The following ATRNL1 variants were observed in gnomAD, a reference collection of about 807,000 sequenced individuals.
The protein encoded by ATRNL1 is attractin like 1.
ATRNL1 carries 95 observed loss-of-function variants against 182.7 expected under a neutral mutation model. The ratio of observed to expected loss-of-function variants is 0.52; its 90% CI spans 0.44 to 0.62. ATRNL1 has a LOEUF of 0.62. Among genes scored for constraint, ATRNL1 ranks in the 20% least tolerant of loss-of-function variants. The pLI is 0.00. For synonymous variants in ATRNL1, 576 were observed against 568.3 expected (o/e 1.01, Z -0.19); for missense variants, 1,471 against 1,679.5 (o/e 0.88, Z 2.17).
At chr10:115,912,416 T>G (rs79516967) in intron 28 of ATRNL1, among the ~76,000 whole-genome samples, 4 of 148,092 alleles carry the variant, frequency 2.7e-5, no homozygotes, top group African/African-American at 7.5e-5. Context: ...ATATATATAT[T>G]TGTGTGTGTG....
intron 26 of ATRNL1, among the ~76,000 whole-genome samples, chr10:115,550,962 A>G (rs1448671587): frequency 6.6e-6 from 1 of 151,776 alleles, no homozygotes; most frequent in Non-Finnish European, 1.5e-5. Context: ...TATAAAATGC[A>G]TCTATGTAAA....
At chr10:115,136,606 C>G (rs1455520783) in intron 5 of ATRNL1, among the ~76,000 whole-genome samples, 2 of 152,180 alleles carry the variant, frequency 1.3e-5, no homozygotes, top group East Asian at 3.8e-4. Flanking sequence ...TCATTCTTTC[C>G]TCTCCCTACC....
chr10:115,593,204 C>T lies in ATRNL1; in HGVS notation c.3795+43668C>T, dbSNP rs183738851. On this transcript the variant is annotated intron_variant, in intron 26 of 28. Coordinates refer to ENST00000355044, the MANE Select transcript of ATRNL1 (RefSeq NM_207303.4). ...AAGCCCATTCTCATGGCAACTAGCCCACTCCCTTGATATGAACATCAATCC... is the reference window on the plus strand; with the variant it reads ...AAGCCCATTCTCATGGCAACTAGCCTACTCCCTTGATATGAACATCAATCC... Among the ~76,000 whole-genome samples the T allele has an allele frequency of 1.6e-3, 248 of 152,238 alleles. 1 individual carries two copies. The highest frequency in any genetic ancestry group is 5.7e-3 in the African/African-American group (236 of 41,554).
intron 28 of ATRNL1, among the ~76,000 whole-genome samples, chr10:115,896,879 G>A (rs540882414): frequency 7.2e-5 from 11 of 152,040 alleles, no homozygotes; most frequent in Non-Finnish European, 1.5e-4. Context: ...ACATAAGATC[G>A]AAATATGAGT....
intron 24 of ATRNL1, among the ~76,000 whole-genome samples, chr10:115,509,065 C>T (rs922941293): frequency 2.6e-5 from 4 of 151,966 alleles, no homozygotes; most frequent in Non-Finnish European, 5.9e-5. Context: ...GAAAATCCTA[C>T]GGTCCTTAAG....
At chr10:115,725,365 T>G (rs1947563104) in intron 26 of ATRNL1, among the ~76,000 whole-genome samples, 1 of 152,132 alleles carries the variant, frequency 6.6e-6, no homozygotes, top group African/African-American at 2.4e-5. Context: ...CGATTGTGAG[T>G]TTGGAATATT....
intron 26 of ATRNL1, among the ~76,000 whole-genome samples, chr10:115,565,217 ATGAC>A (rs1565170591): frequency 6.6e-6 from 1 of 152,070 alleles, no homozygotes; most frequent in Non-Finnish European, 1.5e-5. Context: ...TATAAGGAAA[ATGAC>A]TGAGAATTTC....
At chr10:115,479,200 A>G (rs1181863210) in intron 24 of ATRNL1, among the ~76,000 whole-genome samples, 2 of 151,648 alleles carry the variant, frequency 1.3e-5, no homozygotes, top group Non-Finnish European at 3.0e-5. Context: ...CAAATTTTTG[A>G]TAACTAATTA....
At chr10:115,222,444 G>A (rs78941810) in intron 9 of ATRNL1, among the ~76,000 whole-genome samples, 5,248 of 152,120 alleles carry the variant, frequency 0.034, 292 homozygotes, top group African/African-American at 0.12. Context: ...AAGACATCAA[G>A]CCACAGATTA....
chr10:115,377,360 C>T (rs1485829475), intron 19 of ATRNL1, among the ~76,000 whole-genome samples: 1 of 152,118 alleles, frequency 6.6e-6, no homozygotes, highest in African/African-American at 2.4e-5. Context: ...CATTCACCTT[C>T]CACCATGATA....
At chr10:115,534,219 T>A (rs1851802890) in intron 25 of ATRNL1, among the ~76,000 whole-genome samples, 1 of 151,034 alleles carries the variant, frequency 6.6e-6, no homozygotes. Flanking sequence ...AAGTCTCCCA[T>A]TATTATTGTG....
At chr10:115,916,466 C>G (rs1555117267) in intron 28 of ATRNL1, among the ~76,000 whole-genome samples, 3 of 152,164 alleles carry the variant, frequency 2.0e-5, no homozygotes. Flanking sequence ...AGCAAAATGG[C>G]TGTAAATACA....
chr10:115,136,151 C>A (rs1466228298), intron 5 of ATRNL1, among the ~76,000 whole-genome samples: 4 of 152,048 alleles, frequency 2.6e-5, no homozygotes, highest in South Asian at 4.2e-4. Context: ...CGAGGGCACA[C>A]AAGTTTGTTG....
chr10:115,172,263 C>G (rs1224948017), intron 8 of ATRNL1, among the ~76,000 whole-genome samples: 1 of 151,928 alleles, frequency 6.6e-6, no homozygotes, highest in Non-Finnish European at 1.5e-5. Flanking sequence ...CATTTCCACT[C>G]TATTCTCAAT....
At chr10:115,749,456 ATATT>A (rs1948385708) in intron 27 of ATRNL1, among the ~76,000 whole-genome samples, 1 of 151,878 alleles carries the variant, frequency 6.6e-6, no homozygotes, top group East Asian at 1.9e-4. Context: ...TTTTCATTAT[ATATT>A]AGTAAAAAAA....
intron 28 of ATRNL1, among the ~76,000 whole-genome samples, chr10:115,885,377 G>A (rs782566801): frequency 6.6e-6 from 1 of 152,210 alleles, no homozygotes; most frequent in Non-Finnish European, 1.5e-5. Context: ...CCAGGGATGA[G>A]CGGCGCCAAG....
chr10:115,208,834 C>T (rs1848905615), intron 8 of ATRNL1, among the ~76,000 whole-genome samples: 1 of 151,626 alleles, frequency 6.6e-6, no homozygotes, highest in Admixed American at 6.6e-5. Flanking sequence ...TGATTTCTTT[C>T]TTTTTTTTAT....
rs1850795049 is a variant in ATRNL1, at chr10:115,519,267, C to T, written c.3659C>T (p.Ala1220Val). Residue 1220 changes from alanine to valine, a missense_variant, in exon 25 of 29, where the codon GCA (alanine) becomes GTA (valine). Around this residue, in one of 3 missense-constraint regions of ATRNL1, gnomAD observed 437 missense variants for 506.0 expected, o/e 0.86. Coordinates refer to ENST00000355044, the MANE Select transcript of ATRNL1 (RefSeq NM_207303.4). ...TTTTTTATTTTGATTTTTCAGATTG[C>T]ATTCTCACAACACAATACAATCATG... ...NFSWPIKIQI[A>V]FSQHNTIMDL... is the part of the protein sequence containing the mutation. 2 of 1,609,558 alleles carry T rather than the reference C, an allele frequency of 1.2e-6. No homozygotes were observed. The highest frequency in any genetic ancestry group is 1.7e-5 in the Admixed American group (1 of 59,526).
At chr10:115,302,486 C>G (rs1592409196) in intron 17 of ATRNL1, among the ~76,000 whole-genome samples, 1 of 152,078 alleles carries the variant, frequency 6.6e-6, no homozygotes, top group Non-Finnish European at 1.5e-5. Flanking sequence ...TCTAATTTTT[C>G]CCTCATGATT....
Sources: gnomAD v4.1 joint callset for allele counts (sites outside exome capture counted in the v4.1 genomes callset) on GRCh38, gnomAD v4.1.1 for gene constraint, gnomAD v4.1.1 regional missense constraint, MANE v1.5 for transcripts, NCBI Gene and HGNC (gene_info 2026-07-23, HGNC 2026-07-21) for gene names.